The following ADAMTS18 variants were observed in gnomAD, a reference collection of about 807,000 sequenced individuals.
ADAMTS18 encodes the protein A disintegrin and metalloproteinase with thrombospondin motifs 18.
ADAMTS18 carries 157 observed loss-of-function variants against 165.9 expected under a neutral mutation model. The observed-to-expected ratio is 0.95, with a 90% CI of 0.83 to 1.08. The LOEUF is 1.08. Among genes scored for constraint, ADAMTS18 ranks in the 50% least tolerant of loss-of-function variants. The pLI, the probability that ADAMTS18 is intolerant of heterozygous loss-of-function variation, is 0.00. For missense variants in ADAMTS18, 2,040 were observed against 1,534.0 expected, an observed-to-expected ratio of 1.33 and a Z score of -5.51; for synonymous variants, 782 against 578.2, an observed-to-expected ratio of 1.35 and a Z score of -5.06.
intron 11 of ADAMTS18, among the ~76,000 whole-genome samples, chr16:77,336,359 G>A (rs148290216): frequency 0.011 from 1,640 of 152,258 alleles, 29 homozygotes; most frequent in African/African-American, 0.037. Flanking sequence ...CATTCATGAA[G>A]TAACAGTTAA....
chr16:77,391,334 C>G (rs2057183385), intron 3 of ADAMTS18, among the ~76,000 whole-genome samples: 1 of 152,020 alleles, frequency 6.6e-6, no homozygotes, highest in Non-Finnish European at 1.5e-5. Flanking sequence ...GAAACTCTGT[C>G]TCTACTAAAA....
chr16:77,429,886 T>C (rs750103753), intron 3 of ADAMTS18, among the ~76,000 whole-genome samples: 10 of 152,210 alleles, frequency 6.6e-5, no homozygotes, highest in African/African-American at 2.4e-4. Context: ...ACTCTTGTTA[T>C]TCCCATCTTA....
rs995621089 is a variant in ADAMTS18, at chr16:77,356,426, C to A, written c.1323-349G>T. 2.6e-5 allele frequency among the ~76,000 whole-genome samples: 4 copies of A among 152,082 alleles called. No individual in the cohort carries two copies. In the South Asian group the frequency reaches 8.3e-4, roughly 31 times the overall value. On this transcript the variant is annotated intron_variant, in intron 8 of 22. Transcript: ENST00000282849. Reference sequence around the variant, plus strand: ...TTATTTAGTTTCAAACAGTAGAATTCTTATCTTGTCACCAACCACGGAACT... The same window carrying A: ...TTATTTAGTTTCAAACAGTAGAATTATTATCTTGTCACCAACCACGGAACT...
At chr16:77,288,990 C>T (rs1261497646) in intron 22 of ADAMTS18, among the ~76,000 whole-genome samples, 1 of 152,158 alleles carries the variant, frequency 6.6e-6, no homozygotes, top group Non-Finnish European at 1.5e-5. Context: ...GAGGCTGAGG[C>T]AGGAGAATGG....
chr16:77,300,577 T>C (rs1311639413), intron 16 of ADAMTS18, among the ~76,000 whole-genome samples, 173 bp from the exon 17 acceptor site: 22 of 152,174 alleles, frequency 1.4e-4, no homozygotes, highest in Non-Finnish European at 2.9e-5. Flanking sequence ...CAGGACACTT[T>C]AAAATGTGTC....
chr16:77,316,459 T>C lies in ADAMTS18; in HGVS notation c.2532+3390A>G, dbSNP rs1006897504. On this transcript the variant is annotated intron_variant, in intron 16 of 22. Transcript: ENST00000282849. Reference sequence around the variant, plus strand: ...TCAGTAGAGATGAGGTTTCACCATATTGGCCAGGATGGTGTAAACCACCCT... The same window carrying C: ...TCAGTAGAGATGAGGTTTCACCATACTGGCCAGGATGGTGTAAACCACCCT... Among the ~76,000 whole-genome samples, 110 of 152,042 alleles carry C rather than the reference T, an allele frequency of 7.2e-4. 1 individual carries two copies. The highest frequency in any genetic ancestry group is 2.5e-3 in the African/African-American group (105 of 41,468).
At chr16:77,432,367 G>C (rs1302386336) in intron 2 of ADAMTS18, 1 of 152,222 alleles carries the variant, frequency 6.6e-6, no homozygotes, top group Admixed American at 6.5e-5. Flanking sequence ...ATGTTGGTGG[G>C]GGAGTGTCAG....
At chr16:77,333,517 G>A (rs914770246) in intron 12 of ADAMTS18, among the ~76,000 whole-genome samples, 1 of 150,620 alleles carries the variant, frequency 6.6e-6, no homozygotes, top group Non-Finnish European at 1.5e-5. Context: ...AAAACAGTGT[G>A]TTCTGTTGGT....
intron 16 of ADAMTS18, among the ~76,000 whole-genome samples, chr16:77,314,982 G>A (rs936965775): frequency 3.3e-5 from 5 of 150,926 alleles, no homozygotes; most frequent in African/African-American, 7.3e-5. Context: ...AAGTTATGTA[G>A]CTAGTTAAGA....
chr16:77,310,461 T>A (rs2055759628), intron 16 of ADAMTS18, among the ~76,000 whole-genome samples: 1 of 152,176 alleles, frequency 6.6e-6, no homozygotes, highest in Admixed American at 6.5e-5. Context: ...TTTTCCAAAG[T>A]CACATAGTTT....
intron 17 of ADAMTS18, among the ~76,000 whole-genome samples, chr16:77,299,513 G>A (rs1014088933): frequency 1.3e-5 from 2 of 152,120 alleles, no homozygotes; most frequent in Admixed American, 1.3e-4. Flanking sequence ...TGCTTAGTGG[G>A]ATGGAACCAG....
chr16:77,430,551 C>A (rs1303040420), intron 3 of ADAMTS18, among the ~76,000 whole-genome samples: 1 of 152,202 alleles, frequency 6.6e-6, no homozygotes, highest in Non-Finnish European at 1.5e-5. Context: ...ACTCTTCTGT[C>A]AATTCAAGAC....
chr16:77,300,946 C>A (rs182201988), intron 16 of ADAMTS18, among the ~76,000 whole-genome samples: 1 of 152,270 alleles, frequency 6.6e-6, no homozygotes, highest in Admixed American at 6.5e-5. Flanking sequence ...CTTAGAGTTG[C>A]TATCATCAAC....
intron 6 of ADAMTS18, among the ~76,000 whole-genome samples, chr16:77,363,549 T>G (rs2056746768): frequency 6.6e-6 from 1 of 150,798 alleles, no homozygotes; most frequent in South Asian, 2.1e-4. Context: ...TGTATATTAT[T>G]TAGTACTTAT....
intron 11 of ADAMTS18, among the ~76,000 whole-genome samples, chr16:77,340,657 T>C (rs1025940096): frequency 6.6e-6 from 1 of 152,144 alleles, no homozygotes; most frequent in Non-Finnish European, 1.5e-5. Flanking sequence ...CACAGCACAC[T>C]ACAGCCTCAA....
At chr16:77,372,942 T>C (rs1363360539) in intron 3 of ADAMTS18, among the ~76,000 whole-genome samples, 1 of 152,222 alleles carries the variant, frequency 6.6e-6, no homozygotes, top group Admixed American at 6.5e-5. Context: ...CACTAATCTC[T>C]GCATAATCAA....
chr16:77,432,599 C>A (rs1034665593), intron 2 of ADAMTS18, among the ~76,000 whole-genome samples: 6 of 152,268 alleles, frequency 3.9e-5, no homozygotes, highest in African/African-American at 1.4e-4. Context: ...AAACAGCCTG[C>A]ATTTCCACTT....
chr16:77,286,180 T>C (rs1282243706), intron 22 of ADAMTS18, among the ~76,000 whole-genome samples: 1 of 152,178 alleles, frequency 6.6e-6, no homozygotes, highest in Non-Finnish European at 1.5e-5. Flanking sequence ...GGGGTCTCTC[T>C]GCCAGGAACA....
At position 77,386,115 on chromosome 16, in the gene ADAMTS18, T is replaced by A. The variant is rs75566312; in HGVS notation, c.496-18392A>T. On this transcript the variant is annotated intron_variant, in intron 3 of 22. Transcript: ENST00000282849. ...ATTTCTTTTTCACTTGGGATGTATG[T>A]AACTTGCCGTGATACAAAGTACAAT... Among the ~76,000 whole-genome samples, 198 of 152,300 alleles carry A rather than the reference T, an allele frequency of 1.3e-3. 5 individuals are homozygous for A. In the East Asian group the frequency reaches 0.034, roughly 26 times the overall value.
Sources: gnomAD v4.1 joint callset for allele counts (sites outside exome capture counted in the v4.1 genomes callset) on GRCh38, gnomAD v4.1.1 for gene constraint, MANE v1.5 for transcripts, NCBI Gene and HGNC (gene_info 2026-07-23, HGNC 2026-07-21) for gene names.